The following GMDS variants were observed in gnomAD, a reference collection of about 807,000 sequenced individuals.
GMDS encodes the protein GDP-mannose 4,6 dehydratase.
Under a neutral mutation model 49.9 loss-of-function variants are expected in GMDS, and 20 were observed. That is an observed-to-expected ratio of 0.40 (90% CI 0.28 to 0.58). GMDS has a LOEUF of 0.58. GMDS is among the 20% of genes least tolerant of loss of function. The probability of loss-of-function intolerance (pLI) is 0.42; values close to 1 mark genes in which losing one functional copy is unlikely to be tolerated. For missense variants in GMDS, 362 were observed against 481.4 expected (o/e 0.75, Z 2.32); for synonymous variants, 177 against 178.6 (o/e 0.99, Z 0.07).
chr6:1,889,387 ACCT>A (rs750783330), intron 7 of GMDS, among the ~76,000 whole-genome samples: 4 of 151,298 alleles, frequency 2.6e-5, no homozygotes, highest in Non-Finnish European at 5.9e-5. Context: ...TCATTCTTCT[ACCT>A]TCTTCTTGGT....
At chr6:1,770,058 G>C (rs1321256329) in intron 7 of GMDS, among the ~76,000 whole-genome samples, 1 of 152,142 alleles carries the variant, frequency 6.6e-6, no homozygotes, top group African/African-American at 2.4e-5. Context: ...GATATCTTTT[G>C]TTATGAATGC....
rs550649613 is a variant in GMDS at position 1,783,248 on chromosome 6, C to T, written c.772-40662G>A. Among the ~76,000 whole-genome samples the T allele has an allele frequency of 2.0e-5, 3 of 152,298 alleles. No homozygotes were observed. The East Asian group carries it at 5.8e-4, about 29-fold the overall frequency. On this transcript the variant is annotated intron_variant, in intron 7 of 10. Transcript: ENST00000380815. Reference sequence around the variant, plus strand: ...TGAATTCTGAACAAGTTATTTAACACCAAACCTCAAACAGGACTTAATCAC... The same window carrying T: ...TGAATTCTGAACAAGTTATTTAACATCAAACCTCAAACAGGACTTAATCAC...
At chr6:2,018,242 G>T (rs114898519) in intron 4 of GMDS, among the ~76,000 whole-genome samples, 2,077 of 152,260 alleles carry the variant, frequency 0.014, 49 homozygotes, top group African/African-American at 0.048. Flanking sequence ...TTACGCTGAT[G>T]CTATGACTCA....
intron 7 of GMDS, among the ~76,000 whole-genome samples, chr6:1,756,420 C>T (rs1384172301): frequency 6.6e-6 from 1 of 152,186 alleles, no homozygotes; most frequent in South Asian, 2.1e-4. Context: ...CCTACCACCA[C>T]GTCCAGCTAA....
intron 1 of GMDS, among the ~76,000 whole-genome samples, chr6:2,167,673 T>G (rs1777735578): frequency 2.0e-5 from 3 of 152,048 alleles, no homozygotes; most frequent in Admixed American, 2.0e-4. Context: ...TACATGCAGC[T>G]TCTTCCTAAA....
chr6:1,975,446 C>T (rs1286306637), intron 4 of GMDS, among the ~76,000 whole-genome samples: 3 of 152,184 alleles, frequency 2.0e-5, no homozygotes, highest in Non-Finnish European at 2.9e-5. Context: ...GCACCTCCCA[C>T]CCCACTATAA....
At chr6:1,680,179 T>G (rs747131803) in intron 9 of GMDS, among the ~76,000 whole-genome samples, 3 of 152,204 alleles carry the variant, frequency 2.0e-5, no homozygotes, top group Non-Finnish European at 4.4e-5. Context: ...AAAATAGGCA[T>G]CCAGATATTC....
chr6:1,683,537 C>G (rs1764869271), intron 9 of GMDS, among the ~76,000 whole-genome samples: 1 of 152,140 alleles, frequency 6.6e-6, no homozygotes, highest in African/African-American at 2.4e-5. Flanking sequence ...GCCAGGAATC[C>G]CGGGTCTGAT....
intron 6 of GMDS, among the ~76,000 whole-genome samples, chr6:1,950,299 T>A (rs950407504): frequency 5.9e-5 from 9 of 152,240 alleles, no homozygotes; most frequent in African/African-American, 1.7e-4. Flanking sequence ...TAATCTTGAA[T>A]CAGTTCTAAC....
chr6:1,640,975 G>A lies in GMDS; in HGVS notation c.988-16435C>T, dbSNP rs548867061. ...CTGAAGTCCAGAGTGACCCCATGGG[G>A]CTGGGGTCAGGGAAGCTGTTACAGG... On this transcript the variant is annotated intron_variant, in intron 9 of 10. Transcript: ENST00000380815. The surrounding 1 kb of genome is among the most constrained non-coding windows in gnomAD (Gnocchi z 4.0). Among the ~76,000 whole-genome samples the A allele has an allele frequency of 1.3e-5, 2 of 152,332 alleles. No homozygotes were observed. The highest frequency in any genetic ancestry group is 4.8e-5 in the African/African-American group (2 of 41,578).
chr6:1,742,530 C>T lies in GMDS; in HGVS notation c.828G>A (p.Gly276=). 1 of 1,612,680 alleles carries T rather than the reference C, an allele frequency of 6.2e-7. No individual in the cohort carries two copies. Among genetic ancestry groups the T allele is most frequent in the Non-Finnish European group, 8.5e-7 (1 of 1,178,674 alleles). The change falls in exon 8 of 11, where the codon GGG becomes GGA. Residue 276 remains glycine (G), a synonymous_variant. Coordinates refer to ENST00000380815, the MANE Select transcript of GMDS (RefSeq NM_001500.4). The part of the protein sequence containing the change: ...DEPEDFVIAT[G]EVHSVREFVE... ...CAAATTCCCGGACACTATGGACCTC[C>T]CCAGTAGCTATAACGAAGTCCTCCG...
At chr6:2,024,420 A>C (rs1416022592) in intron 4 of GMDS, among the ~76,000 whole-genome samples, 1 of 152,172 alleles carries the variant, frequency 6.6e-6, no homozygotes, top group Non-Finnish European at 1.5e-5. Context: ...GCCTTATTTA[A>C]AAATAACAAA....
intron 4 of GMDS, among the ~76,000 whole-genome samples, chr6:2,046,257 C>T (rs537221996): frequency 6.6e-6 from 1 of 152,110 alleles, no homozygotes; most frequent in East Asian, 1.9e-4. Flanking sequence ...TTAGACAAAC[C>T]AATGTGTTTT....
chr6:1,933,661 A>G (rs1251872579), intron 6 of GMDS, among the ~76,000 whole-genome samples: 1 of 152,204 alleles, frequency 6.6e-6, no homozygotes, highest in African/African-American at 2.4e-5. Context: ...GGCCACTTGT[A>G]TATCAATTTT....
intron 7 of GMDS, among the ~76,000 whole-genome samples, chr6:1,834,903 A>G (rs1386646002): frequency 1.3e-5 from 2 of 152,118 alleles, no homozygotes; most frequent in African/African-American, 4.8e-5. Flanking sequence ...TACTTTATAC[A>G]CACTATTCTT....
chr6:2,021,494 T>A (rs949750717), intron 4 of GMDS, among the ~76,000 whole-genome samples: 1 of 152,084 alleles, frequency 6.6e-6, no homozygotes, highest in African/African-American at 2.4e-5. Flanking sequence ...AAAGGCTTAG[T>A]CCAAAAACTT....
At chr6:1,998,787 G>A (rs533798363) in intron 4 of GMDS, among the ~76,000 whole-genome samples, 1 of 152,076 alleles carries the variant, frequency 6.6e-6, no homozygotes, top group Non-Finnish European at 1.5e-5. Context: ...GGGCATCCAT[G>A]GATTTTGGTA....
At chr6:1,746,084 G>A (rs1367612036) in intron 7 of GMDS, among the ~76,000 whole-genome samples, 1 of 152,170 alleles carries the variant, frequency 6.6e-6, no homozygotes, top group South Asian at 2.1e-4. Context: ...AAGTTCACCC[G>A]TTCTCACCTT....
intron 1 of GMDS, among the ~76,000 whole-genome samples, chr6:2,133,216 A>C (rs760244685): frequency 1.3e-5 from 2 of 152,216 alleles, no homozygotes; most frequent in Admixed American, 6.5e-5. Flanking sequence ...AAGGAAAAAA[A>C]CTGCAGTAAA....
Sources: allele counts gnomAD v4.1 joint callset (sites outside exome capture counted in the v4.1 genomes callset), GRCh38; gene constraint gnomAD v4.1.1; non-coding constraint Gnocchi (gnomAD v3.1); transcripts MANE v1.5; gene names NCBI Gene and HGNC (gene_info 2026-07-23, HGNC 2026-07-21).